ZEB2: variants seen among roughly 807,000 people sequenced by gnomAD.
ZEB2 encodes zinc finger E-box binding homeobox 2.
Under a neutral mutation model 99.9 loss-of-function variants are expected in ZEB2, and 6 were observed. The ratio of observed to expected loss-of-function variants is 0.06; its 90% CI spans 0.03 to 0.12. The LOEUF (loss-of-function observed/expected upper bound fraction) is 0.12. Ranked by LOEUF, ZEB2 falls within the 10% of genes least tolerant of loss-of-function variation. The pLI, the probability that ZEB2 is intolerant of heterozygous loss-of-function variation, is 1.00. For synonymous variants in ZEB2, 517 were observed against 542.5 expected (o/e 0.95, Z 0.65); for missense variants, 969 against 1,502.8 (o/e 0.64, Z 5.87).
chr2:144,479,245 T>C (rs898467281), intron 2 of ZEB2, among the ~76,000 whole-genome samples: 2 of 152,230 alleles, frequency 1.3e-5, no homozygotes, highest in Non-Finnish European at 1.5e-5. Context: ...TTGTGAGTAT[T>C]TGAGAAACCA....
intron 2 of ZEB2, among the ~76,000 whole-genome samples, chr2:144,440,511 ATATATTTTTTT>A (rs1477043214): frequency 6.3e-4 from 19 of 30,246 alleles, no homozygotes; most frequent in African/African-American, 1.5e-3. Context: ...ATATATATAT[ATATATTTTTTT>A]TTTTTTTTTT....
chr2:144,506,798 CATCTTGTCAGGAG>C lies in ZEB2; in HGVS notation c.73+10467_73+10479del, dbSNP rs537771413. 2.0e-5 allele frequency among the ~76,000 whole-genome samples: 3 copies of C among 152,208 alleles called. No homozygotes were observed. In the East Asian group the frequency reaches 5.8e-4, roughly 29 times the overall value. ...ATATTTGGGAGGAGGGGGTGGCTAT[CATCTTGTCAGGAG>C]TACCTTTCCTTGAGTTATTATAAAA... On this transcript the variant is annotated intron_variant, in intron 2 of 9. Transcript: ENST00000627532.
rs546450153 is a variant in ZEB2, at chr2:144,501,069, T to C, written c.73+16209A>G. Among the ~76,000 whole-genome samples, 15 of 145,808 alleles carry C rather than the reference T, an allele frequency of 1.0e-4. No individual in the cohort carries two copies. The South Asian group carries it at 2.2e-3, about 21-fold the overall frequency. The stretch of plus-strand genomic sequence containing the variant: ...AGCCTGTTCCTCACTCAGCTAGAAA[T>C]TGGATGGGGGGGTAGCGGGGGGAAA... On this transcript the variant is annotated intron_variant, in intron 2 of 9. Transcript: ENST00000627532.
chr2:144,500,417 T>C (rs1377412355), intron 2 of ZEB2, among the ~76,000 whole-genome samples: 2 of 152,236 alleles, frequency 1.3e-5, no homozygotes, highest in African/African-American at 4.8e-5. Context: ...AATTTAGTAA[T>C]TGTTTTTGGA....
At position 144,401,272 on chromosome 2, in the gene ZEB2, C is replaced by T. The variant is rs1473813888; in HGVS notation, c.843G>A (p.Lys281=). 2.5e-6 allele frequency: 4 copies of T among 1,614,164 alleles called. No homozygotes were observed. In the East Asian group the frequency reaches 6.7e-5, roughly 27 times the overall value. Residue 281 remains lysine, a synonymous_variant, in exon 7 of 10, where the codon AAG becomes AAA. Coordinates refer to ENST00000627532, the MANE Select transcript of ZEB2 (RefSeq NM_014795.4). ...CCTTGCCACACTCTGTGCATTTGAA[C>T]TTGCGATTACCTGCTCCTTGGGTTA... The part of the protein sequence containing the change: ...QMLTQGAGNR[K]FKCTECGKAF...
At chr2:144,413,935 TA>T (rs1324022999) in intron 4 of ZEB2, among the ~76,000 whole-genome samples, 3 of 152,120 alleles carry the variant, frequency 2.0e-5, no homozygotes, top group Non-Finnish European at 4.4e-5. Flanking sequence ...ATAGTGAAAG[TA>T]AAAAAAGTTC....
At position 144,385,097 on chromosome 2, in the gene ZEB2, T is replaced by A. The variant is rs1328428804; in HGVS notation, c.*4354A>T. On this transcript the variant is annotated 3_prime_UTR_variant, in exon 10 of 10. Coordinates refer to ENST00000627532, the MANE Select transcript of ZEB2 (RefSeq NM_014795.4). ...TGTCTTCAAATGTAGGAATGTTTTG[T>A]TGCATGTATAAAATTTTTCAGAATT... The A allele has an allele frequency of 1.3e-5, 2 of 152,190 alleles. No individual in the cohort carries two copies. The highest frequency in any genetic ancestry group is 4.8e-5 in the African/African-American group (2 of 41,458). 9.4% of individuals were successfully genotyped at this position (152,190 alleles called of 1,614,324 possible). A position where few individuals can be genotyped will look rare whatever the true frequency, so the allele number is the denominator to read the frequency against.
At position 144,384,522 on chromosome 2, in the gene ZEB2, A is replaced by C. The variant is rs1189192185; in HGVS notation, c.*4929T>G. The C allele has an allele frequency of 6.6e-6, 1 of 152,112 alleles. No individual in the cohort carries two copies. The highest frequency in any genetic ancestry group is 2.4e-5 in the African/African-American group (1 of 41,442). 9.4% of individuals were successfully genotyped at this position (152,112 alleles called of 1,614,324 possible). A position where few individuals can be genotyped will look rare whatever the true frequency, so the allele number is the denominator to read the frequency against. Reference sequence around the variant, plus strand: ...TTGCCAATTATCTCCATGTTTATTTAAATATTTTGCTCTAAAGGAAGCAAT... The same window carrying C: ...TTGCCAATTATCTCCATGTTTATTTCAATATTTTGCTCTAAAGGAAGCAAT... On this transcript the variant is annotated 3_prime_UTR_variant, in exon 10 of 10. Transcript: ENST00000627532.
At chr2:144,516,657 C>T (rs1361501312) in intron 2 of ZEB2, 1 of 151,996 alleles carries the variant, frequency 6.6e-6, no homozygotes. Context: ...TCATCGACCC[C>T]ACCGGACCCC....
At chr2:144,430,343 C>G (rs1205747705) in intron 2 of ZEB2, among the ~76,000 whole-genome samples, 2 of 152,000 alleles carry the variant, frequency 1.3e-5, no homozygotes, top group African/African-American at 4.8e-5. Flanking sequence ...ACTTTCGATA[C>G]TCCACAAAAA....
At chr2:144,483,150 A>ACACACACACACATGCG (rs1553968386) in intron 2 of ZEB2, among the ~76,000 whole-genome samples, 10,661 of 149,600 alleles carry the variant, frequency 0.071, 605 homozygotes, top group Admixed American at 0.16. Context: ...ACACACACAC[A>ACACACACACACATGCG]CACACACACA....
chr2:144,425,484 T>C (rs1254547566), intron 3 of ZEB2, among the ~76,000 whole-genome samples: 2 of 152,166 alleles, frequency 1.3e-5, no homozygotes, highest in Non-Finnish European at 2.9e-5. Context: ...AACTACTCCA[T>C]AAATGTCTTG....
intron 2 of ZEB2, among the ~76,000 whole-genome samples, chr2:144,486,619 AAC>A (rs1329172189): frequency 2.6e-5 from 4 of 152,162 alleles, no homozygotes; most frequent in African/African-American, 9.7e-5. Flanking sequence ...CAACAACTGA[AAC>A]AGAGACAATT....
chr2:144,428,360 T>C (rs539544881), intron 3 of ZEB2: 1 of 152,298 alleles, frequency 6.6e-6, no homozygotes, highest in South Asian at 2.1e-4. Flanking sequence ...AAAAATTTCA[T>C]TTAAGATTGT....
chr2:144,512,156 CAATT>C (rs749487824), intron 2 of ZEB2: 53 of 1,287,090 alleles, frequency 4.1e-5, no homozygotes, highest in South Asian at 9.9e-5. Context: ...GGCAGACAAT[CAATT>C]GTCTGTGAGC....
intron 3 of ZEB2, among the ~76,000 whole-genome samples, chr2:144,425,742 T>C (rs1396459867): frequency 6.6e-6 from 1 of 152,198 alleles, no homozygotes; most frequent in Non-Finnish European, 1.5e-5. Context: ...GCAGGATAGC[T>C]GATAGTTAAA....
intron 4 of ZEB2, among the ~76,000 whole-genome samples, chr2:144,420,353 C>T (rs1163383166): frequency 6.6e-6 from 1 of 152,146 alleles, no homozygotes; most frequent in East Asian, 1.9e-4. Flanking sequence ...CCTCGACCTC[C>T]TGAGTAGCTG....
At chr2:144,519,424 G>GTCGCCGTATCATTAAAAAATCAAA in intron 1 of ZEB2, 1 of 152,270 alleles carries the variant, frequency 6.6e-6, no homozygotes, top group Non-Finnish European at 1.5e-5. Flanking sequence ...CTTCTCGGTG[G>GTCGCCGTATCATTAAAAAATCAAA]GAGAGGATGA....
intron 7 of ZEB2, among the ~76,000 whole-genome samples, chr2:144,400,507 C>A (rs957661741): frequency 3.3e-5 from 5 of 152,206 alleles, no homozygotes; most frequent in African/African-American, 7.2e-5. Flanking sequence ...CCTTTTTCAG[C>A]TGAGATCCCA....
Sources: gnomAD v4.1 joint callset for allele counts (sites outside exome capture counted in the v4.1 genomes callset) on GRCh38, gnomAD v4.1.1 for gene constraint, MANE v1.5 for transcripts, NCBI Gene and HGNC (gene_info 2026-07-23, HGNC 2026-07-21) for gene names.